PHKB: variants seen among roughly 807,000 people sequenced by gnomAD.
PHKB encodes the protein phosphorylase b kinase regulatory subunit beta.
Under a neutral mutation model 152.1 loss-of-function variants are expected in PHKB, and 122 were observed. The ratio of observed to expected loss-of-function variants is 0.80; its 90% CI spans 0.69 to 0.93. PHKB has a LOEUF of 0.93. PHKB is among the 40% of genes least tolerant of loss of function. The probability of loss-of-function intolerance (pLI) is 0.00; values close to 1 mark genes in which losing one functional copy is unlikely to be tolerated. For missense variants in PHKB, 1,304 were observed against 1,328.4 expected (o/e 0.98, Z 0.29); for synonymous variants, 436 against 464.9 (o/e 0.94, Z 0.80).
rs755501305 is a variant in PHKB, at chr16:47,566,397, C to T, written c.711-13898C>T. On this transcript the variant is annotated intron_variant, in intron 7 of 30. Transcript: ENST00000323584. ...CTGTGCTTGATCAGCAACGTCCACT[C>T]AAATTCTCCTGTTACCTAGAGACTC... 357 of 1,591,622 alleles carry T rather than the reference C, an allele frequency of 2.2e-4. 3 individuals carry two copies. The highest frequency in any genetic ancestry group is 3.3e-5 in the Non-Finnish European group (38 of 1,163,120).
chr16:47,538,122 T>G (rs1478741279), intron 6 of PHKB, among the ~76,000 whole-genome samples: 4 of 152,146 alleles, frequency 2.6e-5, no homozygotes, highest in Non-Finnish European at 5.9e-5. Context: ...CTTGAACTTC[T>G]GGGCTCAAGT....
chr16:47,558,542 T>C (rs1459319552), intron 7 of PHKB, among the ~76,000 whole-genome samples: 1 of 152,196 alleles, frequency 6.6e-6, no homozygotes, highest in Non-Finnish European at 1.5e-5. Flanking sequence ...TATTTGTTTC[T>C]GTCTTTTGTT....
chr16:47,583,209 C>CT (rs1166248466), intron 8 of PHKB, among the ~76,000 whole-genome samples: 2 of 152,184 alleles, frequency 1.3e-5, no homozygotes, highest in East Asian at 3.8e-4. Context: ...CCTTTCGTCT[C>CT]TTTTTTCTGA....
chr16:47,688,271 A>G (rs1379645879), intron 26 of PHKB, among the ~76,000 whole-genome samples: 1 of 152,172 alleles, frequency 6.6e-6, no homozygotes, highest in Non-Finnish European at 1.5e-5. Flanking sequence ...CTCATTCCCT[A>G]AGGCACAGTA....
At chr16:47,571,757 A>G (rs1026684443) in intron 7 of PHKB, among the ~76,000 whole-genome samples, 1 of 152,202 alleles carries the variant, frequency 6.6e-6, no homozygotes, top group Non-Finnish European at 1.5e-5. Flanking sequence ...GGGCTCCTCC[A>G]CTGCTAGAGT....
At chr16:47,611,456 G>C (rs1972426172) in intron 14 of PHKB, among the ~76,000 whole-genome samples, 2 of 152,154 alleles carry the variant, frequency 1.3e-5, no homozygotes, top group Admixed American at 6.5e-5. Context: ...AAACCCTCAA[G>C]TATTAAATGA....
chr16:47,668,993 C>A (rs1973588499), intron 25 of PHKB, among the ~76,000 whole-genome samples: 1 of 152,168 alleles, frequency 6.6e-6, no homozygotes, highest in Non-Finnish European at 1.5e-5. Flanking sequence ...GGAACCCTCA[C>A]CTGCCCTTAT....
At chr16:47,465,227 A>G (rs1303118727) in intron 1 of PHKB, among the ~76,000 whole-genome samples, 1 of 152,226 alleles carries the variant, frequency 6.6e-6, no homozygotes, top group Non-Finnish European at 1.5e-5. Context: ...AGGAGGACAT[A>G]TATCTCTAGA....
At chr16:47,687,927 G>A (rs1370649101) in intron 26 of PHKB, among the ~76,000 whole-genome samples, 2 of 152,172 alleles carry the variant, frequency 1.3e-5, no homozygotes, top group Non-Finnish European at 2.9e-5. Context: ...TCTCTACATT[G>A]AGAGACATTA....
intron 9 of PHKB, 32 bp downstream of exon 9, chr16:47,587,795 G>A: frequency 1.4e-6 from 2 of 1,398,620 alleles, no homozygotes; most frequent in Non-Finnish European, 2.0e-6. Flanking sequence ...AATTTAACAT[G>A]AACTATTGTT....
intron 6 of PHKB, among the ~76,000 whole-genome samples, chr16:47,526,423 T>A (rs1172889300): frequency 2.7e-5 from 4 of 150,734 alleles, no homozygotes; most frequent in Non-Finnish European, 5.9e-5. Flanking sequence ...AAAAAAAAAA[T>A]TATTCACCGT....
At chr16:47,641,340 T>G (rs1456297751) in intron 15 of PHKB, among the ~76,000 whole-genome samples, 1 of 152,184 alleles carries the variant, frequency 6.6e-6, no homozygotes, top group African/African-American at 2.4e-5. Context: ...GGTTGTAGTT[T>G]CGAGAAATTC....
At chr16:47,566,832 G>A in intron 7 of PHKB, 3 of 721,652 alleles carry the variant, frequency 4.2e-6, no homozygotes, top group Non-Finnish European at 7.7e-6. Context: ...TCCATCCTCA[G>A]CCAGAGAGTC....
intron 6 of PHKB, among the ~76,000 whole-genome samples, chr16:47,531,731 C>T (rs1970864791): frequency 1.3e-5 from 2 of 152,122 alleles, no homozygotes; most frequent in Admixed American, 6.5e-5. Flanking sequence ...ACTCATGTTA[C>T]GTTTGTGAGA....
chr16:47,462,905 T>A (rs1969599156), intron 1 of PHKB: 1 of 152,446 alleles, frequency 6.6e-6, no homozygotes, highest in African/African-American at 2.4e-5. Context: ...CAAAAAGTAG[T>A]CCTTAGTACT....
chr16:47,522,385 ATG>A (rs1970699148), intron 6 of PHKB, among the ~76,000 whole-genome samples: 2 of 151,922 alleles, frequency 1.3e-5, no homozygotes, highest in African/African-American at 4.8e-5. Context: ...ATTGATGTTA[ATG>A]TCCCTTATTT....
At chr16:47,501,805 A>T (rs2151643827) in intron 3 of PHKB, among the ~76,000 whole-genome samples, 1 of 152,312 alleles carries the variant, frequency 6.6e-6, no homozygotes, top group South Asian at 2.1e-4. Flanking sequence ...AAAGTCAGAT[A>T]TTAACCTTTT....
intron 7 of PHKB, among the ~76,000 whole-genome samples, chr16:47,549,461 G>A (rs548686548): frequency 8.5e-4 from 129 of 152,174 alleles, no homozygotes; most frequent in African/African-American, 2.9e-3. Context: ...AGGCCGAGGC[G>A]GGCAGATCAC....
chr16:47,621,179 C>A (rs939787532), intron 14 of PHKB, among the ~76,000 whole-genome samples: 2 of 152,154 alleles, frequency 1.3e-5, no homozygotes, highest in Admixed American at 6.5e-5. Flanking sequence ...TCCAGCGCTT[C>A]TGTTGCTGGC....
Sources: gnomAD v4.1 joint callset for allele counts (sites outside exome capture counted in the v4.1 genomes callset) on GRCh38, gnomAD v4.1.1 for gene constraint, MANE v1.5 for transcripts, NCBI Gene and HGNC (gene_info 2026-07-23, HGNC 2026-07-21) for gene names.